SLC27A6: variants seen among roughly 807,000 people sequenced by gnomAD.
SLC27A6 encodes solute carrier family 27 member 6.
Under a neutral mutation model 63.9 loss-of-function variants are expected in SLC27A6, and 74 were observed. That is an observed-to-expected ratio of 1.16 (90% CI 0.96 to 1.40). The LOEUF (loss-of-function observed/expected upper bound fraction) is 1.40, where lower values mean the gene tolerates loss of function less well. SLC27A6 is among the 40% of genes most tolerant of loss of function. The pLI is 0.00. For missense variants in SLC27A6, 794 were observed against 732.9 expected (o/e 1.08, Z -0.96); for synonymous variants, 287 against 260.8 (o/e 1.10, Z -0.97).
In SLC27A6 at chr5:128,975,529, G is replaced by A. The variant is rs147435555; in HGVS notation, c.481+8911G>A. Among the ~76,000 whole-genome samples, 92 of 152,212 alleles carry A rather than the reference G, an allele frequency of 6.0e-4. 2 individuals are homozygous for A. In the East Asian group the frequency reaches 0.014, roughly 24 times the overall value. ...CCAGGATATTACTGTACTGAATATCGTAGGCAATTGGAACACAATGGTGGT... is the reference window on the plus strand; with the variant it reads ...CCAGGATATTACTGTACTGAATATCATAGGCAATTGGAACACAATGGTGGT... On this transcript the variant is annotated intron_variant, in intron 1 of 9. Transcript: ENST00000262462.
In SLC27A6 at chr5:129,029,685, G is replaced by A. The variant is rs1235971958; in HGVS notation, c.1661G>A (p.Cys554Tyr). 3 of 1,599,036 alleles carry A rather than the reference G, an allele frequency of 1.9e-6. No individual in the cohort carries two copies. Among genetic ancestry groups the A allele is most frequent in the African/African-American group, 2.7e-5 (2 of 73,962 alleles). Residue 554 changes from cysteine (C) to tyrosine (Y), a missense_variant, in exon 9 of 10, where the codon TGT becomes TAT. Coordinates refer to ENST00000262462, the MANE Select transcript of SLC27A6 (RefSeq NM_001017372.3). The part of the protein sequence containing the change: ...QVVTFLPAYA[C>Y]PRFLRIQEKM... ...GTAACATTTCTACCAGCTTATGCTT[G>A]TCCACGATTTTTAAGAATTCAGGTA... is the stretch of plus-strand genomic sequence containing the variant.
intron 1 of SLC27A6, among the ~76,000 whole-genome samples, chr5:128,982,724 A>G (rs1229083128): frequency 1.3e-5 from 2 of 152,152 alleles, no homozygotes; most frequent in Non-Finnish European, 2.9e-5. Context: ...CACTCCTCCT[A>G]TCATCCTTGG....
chr5:128,995,112 A>T (rs1049611137), intron 4 of SLC27A6, among the ~76,000 whole-genome samples: 1 of 152,124 alleles, frequency 6.6e-6, no homozygotes, highest in Non-Finnish European at 1.5e-5. Flanking sequence ...ATACAATCTG[A>T]TTGGGTCTAG....
chr5:128,974,026 G>A (rs1419455831), intron 1 of SLC27A6, among the ~76,000 whole-genome samples: 1 of 152,196 alleles, frequency 6.6e-6, no homozygotes, highest in Non-Finnish European at 1.5e-5. Flanking sequence ...AAGGCCGTAA[G>A]TTCTGTTTAC....
rs755563622 is a variant in SLC27A6, at chr5:128,966,601, C to G, written c.464C>G (p.Ala155Gly). ...LNCIRACGPRALVVGADLLGT... is the reference protein window; with the variant it reads ...LNCIRACGPRGLVVGADLLGT... ...TGCATCCGCGCCTGTGGGCCCAGAGCCCTAGTGGTGGGCGCAGGTAGAGTA... is the reference window on the plus strand; with the variant it reads ...TGCATCCGCGCCTGTGGGCCCAGAGGCCTAGTGGTGGGCGCAGGTAGAGTA... The change falls in exon 1 of 10, where the codon GCC (alanine) becomes GGC (glycine). Residue 155 changes from alanine (A) to glycine (G), a missense_variant. Physicochemically the swap from Ala to Gly is moderately conservative, Grantham distance 60. Transcript: ENST00000262462. 1 of 1,527,388 alleles carries G rather than the reference C, an allele frequency of 6.5e-7. No homozygotes were observed. The highest frequency in any genetic ancestry group is 8.7e-7 in the Non-Finnish European group (1 of 1,145,880). 94.6% of individuals were successfully genotyped at this position (1,527,388 alleles called of 1,614,324 possible). A position where few individuals can be genotyped will look rare whatever the true frequency, so the allele number is the denominator to read the frequency against.
intron 1 of SLC27A6, among the ~76,000 whole-genome samples, chr5:128,970,695 G>T (rs201388515): frequency 0.24 from 36,083 of 150,880 alleles, 4,850 homozygotes; most frequent in Middle Eastern, 0.32. Context: ...TTTGTTGATC[G>T]TTTCAGAAAA....
intron 4 of SLC27A6, among the ~76,000 whole-genome samples, chr5:129,010,514 A>G (rs1751694579): frequency 6.6e-6 from 1 of 152,202 alleles, no homozygotes; most frequent in African/African-American, 2.4e-5. Flanking sequence ...CAAGCAAGGA[A>G]GACTCAGCAT....
chr5:128,971,899 A>G (rs1474296271), intron 1 of SLC27A6, among the ~76,000 whole-genome samples: 1 of 152,104 alleles, frequency 6.6e-6, no homozygotes, highest in Non-Finnish European at 1.5e-5. Context: ...AGTGGCTGGT[A>G]CTGGTTGTTC....
intron 2 of SLC27A6, among the ~76,000 whole-genome samples, chr5:128,986,909 C>T (rs1195216626): frequency 6.6e-6 from 1 of 151,996 alleles, no homozygotes; most frequent in Non-Finnish European, 1.5e-5. Context: ...CAGAAAGGCT[C>T]AGAAATTGGG....
At chr5:129,008,773 C>T (rs1325822012) in intron 4 of SLC27A6, among the ~76,000 whole-genome samples, 2 of 152,102 alleles carry the variant, frequency 1.3e-5, no homozygotes, top group African/African-American at 4.8e-5. Flanking sequence ...AGAATAATTA[C>T]CTTAAACCTC....
chr5:129,010,116 T>G (rs1226874078), intron 4 of SLC27A6, among the ~76,000 whole-genome samples: 1 of 152,242 alleles, frequency 6.6e-6, no homozygotes, highest in Non-Finnish European at 1.5e-5. Flanking sequence ...TCTCCCAGTA[T>G]AAATTAGTTT....
At chr5:129,032,031 C>T (rs961664504) in intron 9 of SLC27A6, among the ~76,000 whole-genome samples, 23 of 152,022 alleles carry the variant, frequency 1.5e-4, no homozygotes, top group African/African-American at 5.5e-4. Context: ...CATGTCATCT[C>T]ACTTAAACAG....
rs772041946 is a variant in SLC27A6, at chr5:128,990,470, C to T, written c.969+6C>T. ...ACCTTTGCAAACAATCTAAGGTAGG[C>T]GTAATCATTATCAGAAAAAAATATG... On this transcript the variant is annotated splice_donor_region_variant and intron_variant, in intron 4 of 9. Coordinates refer to ENST00000262462, the MANE Select transcript of SLC27A6 (RefSeq NM_001017372.3). The T allele has an allele frequency of 2.2e-5, 35 of 1,595,268 alleles. No individual in the cohort carries two copies. Among genetic ancestry groups the T allele is most frequent in the Non-Finnish European group, 2.6e-5 (31 of 1,174,802 alleles).
At chr5:129,029,940 A>C (rs181936855) in intron 9 of SLC27A6, among the ~76,000 whole-genome samples, 1 of 152,134 alleles carries the variant, frequency 6.6e-6, no homozygotes, top group African/African-American at 2.4e-5. Context: ...CTTCCTCTTC[A>C]GTCAGGACCT....
chr5:128,986,593 A>G (rs1750795534), intron 2 of SLC27A6, among the ~76,000 whole-genome samples: 2 of 152,160 alleles, frequency 1.3e-5, no homozygotes, highest in African/African-American at 4.8e-5. Context: ...ACATGATTAG[A>G]ACAGTTTTGA....
intron 4 of SLC27A6, among the ~76,000 whole-genome samples, chr5:129,012,487 G>T (rs962884947): frequency 6.6e-6 from 1 of 151,750 alleles, no homozygotes; most frequent in African/African-American, 2.4e-5. Context: ...AGGTCAAGTT[G>T]GTTAGTTTTC....
intron 4 of SLC27A6, among the ~76,000 whole-genome samples, chr5:129,009,472 A>G (rs554678077): frequency 6.6e-6 from 1 of 152,310 alleles, no homozygotes; most frequent in East Asian, 1.9e-4. Context: ...ATATGTTTAT[A>G]ACCAGTTTTT....
Position 129,028,445 on chromosome 5 carries a change from A to G in SLC27A6, c.1552+3A>G. 1.3e-6 allele frequency: 2 copies of G among 1,540,114 alleles called. 1 individual carries two copies. The highest frequency in any genetic ancestry group is 2.3e-5 in the South Asian group (2 of 86,234). ...CGTCTATGGTGTGGCTATATCAGGT[A>G]TAAATATATTTCAGATTTTGGAAAG... On this transcript the variant is annotated splice_donor_region_variant and intron_variant, in intron 8 of 9. Transcript: ENST00000262462.
chr5:128,991,435 A>C (rs1750979188), intron 4 of SLC27A6, among the ~76,000 whole-genome samples: 1 of 152,230 alleles, frequency 6.6e-6, no homozygotes, highest in Non-Finnish European at 1.5e-5. Context: ...ACAGAGAGCT[A>C]TCCAAGAATG....
Sources: gnomAD v4.1 joint callset for allele counts (sites outside exome capture counted in the v4.1 genomes callset) on GRCh38, gnomAD v4.1.1 for gene constraint, MANE v1.5 for transcripts, NCBI Gene and HGNC (gene_info 2026-07-23, HGNC 2026-07-21) for gene names.